ABCC11: variants seen among roughly 807,000 people sequenced by gnomAD.
ABCC11 encodes ATP binding cassette subfamily C member 11, also known as ATP-binding cassette sub-family C member 11.
Under a neutral mutation model 149.3 loss-of-function variants are expected in ABCC11, and 135 were observed. The ratio of observed to expected loss-of-function variants is 0.90; its 90% CI spans 0.79 to 1.04. The LOEUF (loss-of-function observed/expected upper bound fraction) is 1.04, where lower values mean the gene tolerates loss of function less well. Among genes scored for constraint, ABCC11 ranks in the 50% least tolerant of loss-of-function variants. ABCC11 has a pLI of 0.00. For missense variants in ABCC11, 1,680 were observed against 1,722.1 expected (o/e 0.98, Z 0.43); for synonymous variants, 665 against 671.4 (o/e 0.99, Z 0.15).
intron 20 of ABCC11, among the ~76,000 whole-genome samples, chr16:48,188,201 A>G (rs557130296): frequency 2.0e-5 from 3 of 152,338 alleles, no homozygotes; most frequent in Admixed American, 6.5e-5. Context: ...TCAGTCACAG[A>G]GCTGCAACAC....
chr16:48,245,574 T>C (rs1971324548), intron 1 of ABCC11, among the ~76,000 whole-genome samples: 1 of 152,216 alleles, frequency 6.6e-6, no homozygotes, highest in African/African-American at 2.4e-5. Context: ...TTGTCTGTTT[T>C]AGCATTGAAA....
chr16:48,217,796 A>C (rs1969450324), intron 6 of ABCC11, among the ~76,000 whole-genome samples: 1 of 152,198 alleles, frequency 6.6e-6, no homozygotes, highest in African/African-American at 2.4e-5. Context: ...AGGGAGCATA[A>C]ATTGGTATAG....
chr16:48,171,534 C>T (rs1965721858), intron 26 of ABCC11, among the ~76,000 whole-genome samples: 1 of 152,176 alleles, frequency 6.6e-6, no homozygotes, highest in Admixed American at 6.5e-5. Context: ...TTCCTTAAGC[C>T]ATTTGGGTTT....
chr16:48,246,408 A>T (rs1596890526), intron 1 of ABCC11, among the ~76,000 whole-genome samples: 1 of 152,298 alleles, frequency 6.6e-6, no homozygotes, highest in South Asian at 2.1e-4. Context: ...TTCCCTGTCT[A>T]GGCAAGAGTG....
intron 1 of ABCC11, among the ~76,000 whole-genome samples, chr16:48,241,124 C>T (rs529766100): frequency 6.6e-5 from 10 of 152,160 alleles, no homozygotes; most frequent in Admixed American, 4.6e-4. Flanking sequence ...TTAATAGAAA[C>T]GGGATTTCAC....
At chr16:48,222,531 C>T in intron 6 of ABCC11, 67 bp downstream of exon 6, 1 of 1,387,680 alleles carries the variant, frequency 7.2e-7, no homozygotes, top group Non-Finnish European at 1.0e-6. Context: ...TCTTGGCCCC[C>T]AGGGCAGTTA....
chr16:48,228,998 A>C (rs1970259767), intron 3 of ABCC11, among the ~76,000 whole-genome samples: 1 of 152,134 alleles, frequency 6.6e-6, no homozygotes, highest in African/African-American at 2.4e-5. Context: ...TGGGAAGATG[A>C]AAATGCCGAA....
intron 23 of ABCC11, among the ~76,000 whole-genome samples, chr16:48,180,581 C>T (rs1321532335): frequency 6.6e-6 from 1 of 152,204 alleles, no homozygotes; most frequent in Admixed American, 6.5e-5. Flanking sequence ...ACTGAGAAGC[C>T]TCTTGGGGCT....
At chr16:48,224,147 G>A in intron 5 of ABCC11, 135 bp downstream of exon 5, 4 of 1,207,724 alleles carry the variant, frequency 3.3e-6, no homozygotes, top group Non-Finnish European at 4.6e-6. Flanking sequence ...TCCTCAAAAG[G>A]TCTTCATTTT....
chr16:48,174,347 T>C (rs964825187), intron 26 of ABCC11, among the ~76,000 whole-genome samples: 6 of 152,188 alleles, frequency 3.9e-5, no homozygotes, highest in Admixed American at 3.3e-4. Context: ...AATGAATGAA[T>C]GAAGCTCTGG....
Position 48,244,457 on chromosome 16 carries a change from G to C in ABCC11, c.-19+2857C>G, listed in dbSNP as rs748219137. The C allele has an allele frequency of 8.1e-6, 13 of 1,596,558 alleles. No individual in the cohort carries two copies. The South Asian group carries it at 1.5e-4, about 18-fold the overall frequency. On this transcript the variant is annotated intron_variant, in intron 1 of 29. Transcript: ENST00000356608. ...TGCTGCTCACCCACGAGGGCGTCCT[G>C]CTGCCCGGCTCCACCATGCGCACCA...
intron 5 of ABCC11, among the ~76,000 whole-genome samples, chr16:48,223,238 C>T (rs925026759): frequency 6.6e-6 from 1 of 152,194 alleles, no homozygotes; most frequent in East Asian, 1.9e-4. Context: ...GGTTCTGTGG[C>T]CCAAAAGGGG....
intron 11 of ABCC11, chr16:48,210,491 C>T (rs1051749235): frequency 1.2e-5 from 2 of 161,428 alleles, no homozygotes; most frequent in African/African-American, 4.8e-5. Context: ...TAATAGATAA[C>T]AGAGAAGAAA....
chr16:48,174,735 G>GACAAGAAAGAA (rs1965930410), intron 26 of ABCC11, among the ~76,000 whole-genome samples: 1 of 152,184 alleles, frequency 6.6e-6, no homozygotes, highest in Non-Finnish European at 1.5e-5. Context: ...AAAGAATATG[G>GACAAGAAAGAA]TAGCCTGAGT....
At chr16:48,181,849 G>A (rs991942725) in intron 23 of ABCC11, among the ~76,000 whole-genome samples, 8 of 152,184 alleles carry the variant, frequency 5.3e-5, no homozygotes, top group Admixed American at 2.0e-4. Context: ...TCCTGACCTC[G>A]TGATCCACCC....
chr16:48,175,798 TC>T (rs1328416003), intron 25 of ABCC11, among the ~76,000 whole-genome samples: 13 of 150,476 alleles, frequency 8.6e-5, no homozygotes, highest in Admixed American at 2.0e-4. Context: ...TGGACCCATA[TC>T]CCCCCCAGGC....
At chr16:48,201,492 T>G (rs1226912550) in intron 14 of ABCC11, among the ~76,000 whole-genome samples, 1 of 132,024 alleles carries the variant, frequency 7.6e-6, no homozygotes, top group Non-Finnish European at 1.7e-5. Context: ...TTTTTTTTTT[T>G]GTAGAGATGA....
intron 24 of ABCC11, among the ~76,000 whole-genome samples, chr16:48,177,407 T>A (rs1271892655): frequency 6.6e-6 from 1 of 152,232 alleles, no homozygotes; most frequent in Non-Finnish European, 1.5e-5. Context: ...TCCAAGGTAA[T>A]GACAGTAAAG....
intron 11 of ABCC11, 65 bp downstream of exon 11, chr16:48,210,883 A>C (rs1968861272): frequency 2.5e-6 from 4 of 1,570,376 alleles, no homozygotes; most frequent in Non-Finnish European, 3.5e-6. Context: ...CACCTGGCCA[A>C]GCTCCTAGCC....
Sources: allele counts gnomAD v4.1 joint callset (sites outside exome capture counted in the v4.1 genomes callset), GRCh38; gene constraint gnomAD v4.1.1; transcripts MANE v1.5; gene names NCBI Gene and HGNC (gene_info 2026-07-23, HGNC 2026-07-21).